Variants in FRMD4B observed in about 807,000 individuals in gnomAD.
FRMD4B encodes the protein FERM domain-containing protein 4B.
FRMD4B carries 74 observed loss-of-function variants against 141.5 expected under a neutral mutation model. That is an observed-to-expected ratio of 0.52 (90% CI 0.43 to 0.63). The LOEUF (loss-of-function observed/expected upper bound fraction) is 0.63, where lower values mean the gene tolerates loss of function less well. FRMD4B is among the 30% of genes least tolerant of loss of function. FRMD4B has a pLI of 0.00. For missense variants in FRMD4B, 1,366 were observed against 1,253.4 expected (o/e 1.09, Z -1.36); for synonymous variants, 506 against 467.9 (o/e 1.08, Z -1.05).
chr3:69,292,764 T>C (rs1245108848), intron 4 of FRMD4B, among the ~76,000 whole-genome samples: 1 of 151,292 alleles, frequency 6.6e-6, no homozygotes. Context: ...CTAGGGCTTC[T>C]TAATGACATG....
chr3:69,193,941 AT>A (rs1181676405), intron 16 of FRMD4B, 68 bp from the exon 17 acceptor site: 1 of 960,580 alleles, frequency 1.0e-6, no homozygotes, highest in African/African-American at 1.6e-5. Flanking sequence ...GCATTGTGTA[AT>A]AAAACTTCCT....
chr3:69,174,439 G>T (rs550847376), intron 22 of FRMD4B, among the ~76,000 whole-genome samples: 1 of 152,260 alleles, frequency 6.6e-6, no homozygotes, highest in East Asian at 1.9e-4. Context: ...AGAGAAAAAT[G>T]GGGAAAATAT....
At chr3:69,516,154 G>T (rs1039629098) in intron 1 of FRMD4B, among the ~76,000 whole-genome samples, 4 of 152,096 alleles carry the variant, frequency 2.6e-5, no homozygotes, top group Non-Finnish European at 5.9e-5. Context: ...CAACCCAGGG[G>T]TTTGAGGCTG....
chr3:69,539,753 T>C (rs533887262), intron 1 of FRMD4B, among the ~76,000 whole-genome samples: 3 of 152,364 alleles, frequency 2.0e-5, no homozygotes, highest in South Asian at 4.1e-4. Flanking sequence ...ATTAAACTTC[T>C]ACCATTCAGT....
intron 2 of FRMD4B, among the ~76,000 whole-genome samples, chr3:69,419,630 G>A (rs1704935629): frequency 1.3e-5 from 2 of 152,138 alleles, no homozygotes; most frequent in Admixed American, 1.3e-4. Context: ...ACCAGAATGG[G>A]GATTGGATAC....
At chr3:69,512,888 CA>C (rs1233787758) in intron 1 of FRMD4B, among the ~76,000 whole-genome samples, 3 of 151,770 alleles carry the variant, frequency 2.0e-5, no homozygotes, top group Non-Finnish European at 4.4e-5. Context: ...TATTACACAC[CA>C]AAATTTATGA....
chr3:69,401,016 G>A (rs948645460), intron 2 of FRMD4B, among the ~76,000 whole-genome samples: 1 of 152,144 alleles, frequency 6.6e-6, no homozygotes, highest in Non-Finnish European at 1.5e-5. Flanking sequence ...CATTTTGAAT[G>A]CCCTTTTCCA....
intron 3 of FRMD4B, chr3:69,306,536 A>G (rs1319031834): frequency 6.6e-6 from 1 of 152,220 alleles, no homozygotes; most frequent in Admixed American, 6.5e-5. Context: ...GTGCCTCAGG[A>G]GGGCCGTGAC....
intron 2 of FRMD4B, among the ~76,000 whole-genome samples, chr3:69,398,571 C>G (rs1053646303): frequency 1.3e-5 from 2 of 152,190 alleles, no homozygotes; most frequent in African/African-American, 4.8e-5. Context: ...CATACAAAAG[C>G]TTATTCAGCA....
intron 5 of FRMD4B, among the ~76,000 whole-genome samples, chr3:69,277,454 T>C (rs2093622894): frequency 6.6e-6 from 1 of 152,008 alleles, no homozygotes; most frequent in African/African-American, 2.4e-5. Flanking sequence ...GTCATCTTTT[T>C]TGGCTTTATT....
intron 1 of FRMD4B, among the ~76,000 whole-genome samples, chr3:69,455,906 C>T (rs1380945328): frequency 6.6e-6 from 1 of 152,328 alleles, no homozygotes; most frequent in East Asian, 1.9e-4. Context: ...GTTCCACCAT[C>T]ACCTGGCCAT....
intron 1 of FRMD4B, among the ~76,000 whole-genome samples, chr3:69,469,248 C>T (rs1274041086): frequency 6.6e-6 from 1 of 152,046 alleles, no homozygotes; most frequent in African/African-American, 2.4e-5. Context: ...CTACAGTGGT[C>T]ATGAGGCGTC....
chr3:69,307,334 C>A (rs1169253964), intron 3 of FRMD4B, among the ~76,000 whole-genome samples: 2 of 152,090 alleles, frequency 1.3e-5, no homozygotes, highest in African/African-American at 4.8e-5. Context: ...TGAAGGAAGT[C>A]ATTCCCATTA....
At chr3:69,268,027 T>A (rs1432008932) in intron 5 of FRMD4B, among the ~76,000 whole-genome samples, 2 of 151,892 alleles carry the variant, frequency 1.3e-5, no homozygotes, top group African/African-American at 4.9e-5. Context: ...AAACATATCA[T>A]CAGGACTATG....
intron 5 of FRMD4B, among the ~76,000 whole-genome samples, chr3:69,252,400 G>T (rs1249429065): frequency 6.6e-6 from 1 of 152,164 alleles, no homozygotes; most frequent in African/African-American, 2.4e-5. Context: ...TGACGGTGCG[G>T]TGAAGGAGTG....
intron 1 of FRMD4B, among the ~76,000 whole-genome samples, chr3:69,450,679 A>C (rs184749157): frequency 6.6e-6 from 1 of 151,698 alleles, no homozygotes; most frequent in Non-Finnish European, 1.5e-5. Flanking sequence ...GCTTGAACCC[A>C]GGAGGCGGAA....
At chr3:69,256,889 T>G (rs950525047) in intron 5 of FRMD4B, among the ~76,000 whole-genome samples, 15 of 152,182 alleles carry the variant, frequency 9.9e-5, no homozygotes, top group Admixed American at 9.2e-4. Flanking sequence ...TGGGGGATGG[T>G]CTCAGTGATA....
chr3:69,327,968 C>A (rs4855389), intron 1 of FRMD4B, among the ~76,000 whole-genome samples: 95,950 of 151,930 alleles, frequency 0.63, 30,817 homozygotes, highest in African/African-American at 0.74. Flanking sequence ...TGGGATTCAA[C>A]GATTAAAACA....
At chr3:69,175,754 TTTTTC>T (rs1390313762) in intron 22 of FRMD4B, among the ~76,000 whole-genome samples, 1 of 147,904 alleles carries the variant, frequency 6.8e-6, no homozygotes, top group Non-Finnish European at 1.5e-5. Flanking sequence ...GTTAGCAAAC[TTTTTC>T]TTTTCTTCTC....
Sources: gnomAD v4.1 joint callset for allele counts (sites outside exome capture counted in the v4.1 genomes callset) on GRCh38, gnomAD v4.1.1 for gene constraint, MANE v1.5 for transcripts, NCBI Gene and HGNC (gene_info 2026-07-23, HGNC 2026-07-21) for gene names.